The following BMPR2 variants were observed in gnomAD, a reference collection of about 807,000 sequenced individuals.
BMPR2 encodes the protein bone morphogenetic protein receptor type-2.
BMPR2 carries 29 observed loss-of-function variants against 100.8 expected under a neutral mutation model. The ratio of observed to expected loss-of-function variants is 0.29; its 90% CI spans 0.21 to 0.39. BMPR2 has a LOEUF of 0.39. BMPR2 is among the 10% of genes least tolerant of loss of function. BMPR2 has a pLI of 1.00. For missense variants in BMPR2, 1,011 were observed against 1,274.5 expected, an observed-to-expected ratio of 0.79 and a Z score of 3.15; for synonymous variants, 382 against 442.3, an observed-to-expected ratio of 0.86 and a Z score of 1.71.
chr2:202,565,943 C>G lies in BMPR2; in HGVS notation c.*5997C>G, dbSNP rs145822696. 6.6e-6 allele frequency: 1 copy of G among 152,070 alleles called. No individual in the cohort carries two copies. The highest frequency in any genetic ancestry group is 1.5e-5 in the Non-Finnish European group (1 of 67,974). The allele number at this position is 152,070 out of a possible 1,614,324, so 9.4% of individuals were successfully genotyped here. ...AAAACTAGGCTCAAAATAAATCTAT[C>G]GTATCTTTAAAAGTCCAATTCTGTT... On this transcript the variant is annotated 3_prime_UTR_variant, in exon 13 of 13. Coordinates refer to ENST00000374580, the MANE Select transcript of BMPR2 (RefSeq NM_001204.7).
In BMPR2 at chr2:202,513,746, A is replaced by G; in HGVS notation, c.446A>G (p.Glu149Gly). The G allele has an allele frequency of 1.2e-6, 2 of 1,613,396 alleles. No homozygotes were observed. The highest frequency in any genetic ancestry group is 2.2e-5 in the South Asian group (2 of 91,050). Reference sequence around the variant, plus strand: ...CCACCTCATTCATTTAACCGAGATGAGACAATAATCATTGCTTTGGCATCA... The same window carrying G: ...CCACCTCATTCATTTAACCGAGATGGGACAATAATCATTGCTTTGGCATCA... Reference protein sequence around the residue: ...LSPPHSFNRDETIIIALASVS... With the variant: ...LSPPHSFNRDGTIIIALASVS... Residue 149 changes from glutamate to glycine, a missense_variant, in exon 4 of 13, where the codon GAG (glutamate) becomes GGG (glycine). Physicochemically the swap from Glu to Gly is moderately conservative, Grantham distance 98 (BLOSUM62 -2). Coordinates refer to ENST00000374580, the MANE Select transcript of BMPR2 (RefSeq NM_001204.7).
At chr2:202,468,851 A>G (rs998350168) in intron 3 of BMPR2, among the ~76,000 whole-genome samples, 3 of 152,204 alleles carry the variant, frequency 2.0e-5, no homozygotes, top group Non-Finnish European at 4.4e-5. Flanking sequence ...ACTGGAAGGA[A>G]AATAAAAAAG....
chr2:202,517,704 C>G (rs1298415750), intron 5 of BMPR2, among the ~76,000 whole-genome samples: 2 of 152,044 alleles, frequency 1.3e-5, no homozygotes, highest in African/African-American at 2.4e-5. Context: ...GGGCTTTCCT[C>G]TCTCTGAATT....
In BMPR2 at chr2:202,559,834, A is replaced by G; in HGVS notation, c.3005A>G (p.Asn1002Ser). The change falls in exon 13 of 13, where the codon AAT becomes AGT. Residue 1002 changes from asparagine to serine, a missense_variant. Physicochemically the swap from Asn to Ser is conservative, Grantham distance 46. Around this residue, in one of 6 missense-constraint regions of BMPR2, gnomAD observed 58 missense variants for 72.3 expected, o/e 0.80. Transcript: ENST00000374580. ...STESLDCEVN[N>S]NGSNRAVHSK... ...GAATCGCTGGACTGTGAAGTCAACAATAATGGCAGTAACAGGGCAGTTCAT... is the reference window on the plus strand; with the variant it reads ...GAATCGCTGGACTGTGAAGTCAACAGTAATGGCAGTAACAGGGCAGTTCAT... 1 of 1,614,172 alleles carries G rather than the reference A, an allele frequency of 6.2e-7. No individual in the cohort carries two copies. Among genetic ancestry groups the G allele is most frequent in the Non-Finnish European group, 8.5e-7 (1 of 1,180,036 alleles).
At chr2:202,475,877 A>G (rs1416568571) in intron 3 of BMPR2, among the ~76,000 whole-genome samples, 1 of 151,790 alleles carries the variant, frequency 6.6e-6, no homozygotes, top group African/African-American at 2.4e-5. Flanking sequence ...TTGAGACCAG[A>G]CTGATCAACA....
intron 9 of BMPR2, among the ~76,000 whole-genome samples, chr2:202,537,264 G>A (rs900872729): frequency 6.6e-6 from 1 of 152,126 alleles, no homozygotes; most frequent in Non-Finnish European, 1.5e-5. Context: ...TCTCATGTAG[G>A]ATTTTTGTTT....
At chr2:202,405,152 A>G (rs967555286) in intron 1 of BMPR2, among the ~76,000 whole-genome samples, 1 of 152,012 alleles carries the variant, frequency 6.6e-6, no homozygotes, top group African/African-American at 2.4e-5. Context: ...CATTTACAAC[A>G]TTGGTCAGCT....
chr2:202,518,722 G>C (rs1361073127), intron 5 of BMPR2, 100 bp from the exon 6 acceptor site: 25 of 969,608 alleles, frequency 2.6e-5, no homozygotes, highest in Non-Finnish European at 3.9e-5. Context: ...GTAAGCAACA[G>C]AGAGCTGTAG....
At position 202,541,257 on chromosome 2, in the gene BMPR2, A is replaced by T. The variant is rs1252816109; in HGVS notation, c.1277-1054A>T. 2.0e-5 allele frequency among the ~76,000 whole-genome samples: 3 copies of T among 152,082 alleles called. 1 individual carries two copies. The highest frequency in any genetic ancestry group is 4.4e-5 in the Non-Finnish European group (3 of 68,016). ...GAAGTATGAGACCAGCCTGGGCAAC[A>T]CGGCAAGACCTTATCTCTACAAAAA... On this transcript the variant is annotated intron_variant, in intron 9 of 12. Coordinates refer to ENST00000374580, the MANE Select transcript of BMPR2 (RefSeq NM_001204.7).
intron 1 of BMPR2, among the ~76,000 whole-genome samples, chr2:202,422,369 C>T (rs1238870300): frequency 2.6e-5 from 4 of 151,084 alleles, no homozygotes; most frequent in African/African-American, 4.9e-5. Context: ...TGCAGTGGGG[C>T]GATCTGGGCT....
intron 10 of BMPR2, among the ~76,000 whole-genome samples, chr2:202,547,781 CA>C (rs373601864): frequency 0.3 from 17,012 of 56,914 alleles, 959 homozygotes; most frequent in African/African-American, 0.34. Context: ...AGATCCATCA[CA>C]AAAAAAAAAA....
chr2:202,560,036 C>G lies in BMPR2; in HGVS notation c.*90C>G. 6.6e-7 allele frequency: 1 copy of G among 1,522,148 alleles called. No individual in the cohort carries two copies. The highest frequency in any genetic ancestry group is 1.2e-5 in the South Asian group (1 of 85,176). The allele number at this position is 1,522,148 out of a possible 1,614,324, so 94.3% of individuals were successfully genotyped here. A position where few individuals can be genotyped will look rare whatever the true frequency, so the allele number is the denominator to read the frequency against. Reference sequence around the variant, plus strand: ...AAAATAAAAAAAAAACTGCTTTATCCTCCTGTCAGCACCCCCTCCCACCCC... The same window carrying G: ...AAAATAAAAAAAAAACTGCTTTATCGTCCTGTCAGCACCCCCTCCCACCCC... On this transcript the variant is annotated 3_prime_UTR_variant, in exon 13 of 13. Transcript: ENST00000374580.
At chr2:202,534,245 T>A (rs1442840218) in intron 9 of BMPR2, among the ~76,000 whole-genome samples, 1 of 131,616 alleles carries the variant, frequency 7.6e-6, no homozygotes, top group African/African-American at 3.7e-5. Context: ...AAATAAAATT[T>A]TTATTTATTT....
chr2:202,470,125 C>T (rs1429249542), intron 3 of BMPR2, among the ~76,000 whole-genome samples: 2 of 151,216 alleles, frequency 1.3e-5, no homozygotes, highest in East Asian at 2.0e-4. Context: ...GGGCAGATCA[C>T]GAGGTAAAGA....
chr2:202,535,726 A>T (rs1341993992), intron 9 of BMPR2, among the ~76,000 whole-genome samples: 1 of 152,150 alleles, frequency 6.6e-6, no homozygotes, highest in Non-Finnish European at 1.5e-5. Context: ...TGGGAGGCCA[A>T]GGCAGGCGGC....
chr2:202,508,239 C>T (rs1010490937), intron 3 of BMPR2, among the ~76,000 whole-genome samples: 3 of 151,498 alleles, frequency 2.0e-5, no homozygotes, highest in South Asian at 4.2e-4. Context: ...ATTACAGGCA[C>T]GCACCACCAC....
chr2:202,554,272 T>G (rs1688526270), intron 11 of BMPR2, among the ~76,000 whole-genome samples: 1 of 152,120 alleles, frequency 6.6e-6, no homozygotes, highest in Non-Finnish European at 1.5e-5. Flanking sequence ...AGCTAAAGCT[T>G]TTATTTTGAA....
At chr2:202,393,959 TATC>T (rs924041955) in intron 1 of BMPR2, among the ~76,000 whole-genome samples, 3 of 143,416 alleles carry the variant, frequency 2.1e-5, no homozygotes, top group African/African-American at 7.7e-5. Flanking sequence ...AGCTGAGTCA[TATC>T]ATCAGTAATT....
At chr2:202,464,689 G>T in intron 1 of BMPR2, 120 bp from the exon 2 acceptor site, 2 of 929,174 alleles carry the variant, frequency 2.2e-6, no homozygotes, top group Non-Finnish European at 3.1e-6. Flanking sequence ...TTTATGTAAA[G>T]ATTTCAGTTC....
Sources: gnomAD v4.1 joint callset for allele counts (sites outside exome capture counted in the v4.1 genomes callset) on GRCh38, gnomAD v4.1.1 for gene constraint, gnomAD v4.1.1 regional missense constraint, MANE v1.5 for transcripts, NCBI Gene and HGNC (gene_info 2026-07-23, HGNC 2026-07-21) for gene names.